HHLA1: variants seen among roughly 807,000 people sequenced by gnomAD.
HHLA1 encodes the protein HERV-H LTR-associating protein 1.
Under a neutral mutation model 69.9 loss-of-function variants are expected in HHLA1, and 72 were observed. The observed-to-expected ratio is 1.03, with a 90% CI of 0.85 to 1.25. The LOEUF (loss-of-function observed/expected upper bound fraction) is 1.25, where lower values mean the gene tolerates loss of function less well. Among genes scored for constraint, HHLA1 ranks in the 50% most tolerant of loss-of-function variants. The pLI is 0.00. For synonymous variants in HHLA1, 252 were observed against 233.2 expected (o/e 1.08, Z -0.73); for missense variants, 685 against 642.2 (o/e 1.07, Z -0.72).
At chr8:132,070,888 C>A (rs1328069020) in intron 15 of HHLA1, among the ~76,000 whole-genome samples, 1 of 151,930 alleles carries the variant, frequency 6.6e-6, no homozygotes, top group Non-Finnish European at 1.5e-5. Flanking sequence ...CAACTCATTA[C>A]AACTCAACTC....
Position 132,092,479 on chromosome 8 carries a change from G to A in HHLA1, c.449-2880C>T, listed in dbSNP as rs577518403. Among the ~76,000 whole-genome samples, 78 of 152,268 alleles carry A rather than the reference G, an allele frequency of 5.1e-4. No individual in the cohort carries two copies. In the Middle Eastern group the frequency reaches 0.014, roughly 27 times the overall value. ...GTGGTGGGAGGTGATTGGATCATGG[G>A]GGCAGACTTCTCATGAATGGGTTAG... On this transcript the variant is annotated intron_variant, in intron 7 of 16. Transcript: ENST00000414222.
Position 132,071,320 on chromosome 8 carries a change from A to C in HHLA1, c.1469+20T>G, listed in dbSNP as rs1563740357. ...AGCTATAAATATTCCATGTGAAAAG[A>C]AGCCACTGGGCCAAGTTACCTCATG... On this transcript the variant is annotated intron_variant, in intron 15 of 16. Transcript: ENST00000414222. 2 of 1,543,914 alleles carry C rather than the reference A, an allele frequency of 1.3e-6. No individual in the cohort carries two copies. Among genetic ancestry groups the C allele is most frequent in the Non-Finnish European group, 1.7e-6 (2 of 1,143,594 alleles).
At chr8:132,084,039 AT>A (rs1823814458) in intron 10 of HHLA1, among the ~76,000 whole-genome samples, 1 of 145,244 alleles carries the variant, frequency 6.9e-6, no homozygotes, top group South Asian at 2.2e-4. Flanking sequence ...ACTGGGCTGG[AT>A]TTTTATATTT....
intron 3 of HHLA1, chr8:132,101,307 C>A (rs141875215): frequency 1.5e-5 from 23 of 1,547,946 alleles, no homozygotes; most frequent in Non-Finnish European, 1.7e-5. Flanking sequence ...AAAATAGTAA[C>A]CTGAAAGTAC....
At position 132,079,828 on chromosome 8, in the gene HHLA1, GTC is replaced by G. The variant is rs1823710916; in HGVS notation, c.813_814del (p.Glu271AspfsTer18). The stretch of plus-strand genomic sequence containing the variant: ...CTCCTCTGTTTCTGAAGGAGCAGCT[GTC>G]TCTGTCCAGGGAGAGGATCTCAGAG... On this transcript the variant is annotated frameshift_variant, in exon 11 of 17. Coordinates refer to ENST00000414222, the MANE Select transcript of HHLA1 (RefSeq NM_001145095.3). LOFTEE classifies it high-confidence loss of function. The G allele has an allele frequency of 6.4e-7, 1 of 1,551,810 alleles. No homozygotes were observed. Among genetic ancestry groups the G allele is most frequent in the African/African-American group, 1.4e-5 (1 of 73,170 alleles).
intron 15 of HHLA1, among the ~76,000 whole-genome samples, chr8:132,068,228 C>A (rs1823472296): frequency 6.6e-6 from 1 of 152,180 alleles, no homozygotes; most frequent in African/African-American, 2.4e-5. Context: ...ACATGACCCA[C>A]ACCTTCATGA....
intron 15 of HHLA1, among the ~76,000 whole-genome samples, chr8:132,070,895 A>G (rs924900696): frequency 1.3e-5 from 2 of 151,928 alleles, no homozygotes; most frequent in Admixed American, 1.3e-4. Flanking sequence ...TTACAACTCA[A>G]CTCAACTCAT....
At chr8:132,100,391 CCA>C (rs1824093272) in intron 3 of HHLA1, among the ~76,000 whole-genome samples, 3 of 151,988 alleles carry the variant, frequency 2.0e-5, no homozygotes, top group Admixed American at 6.6e-5. Flanking sequence ...CTAATTTACC[CCA>C]CTCTTTAACC....
intron 15 of HHLA1, among the ~76,000 whole-genome samples, chr8:132,069,229 C>T (rs1035043137): frequency 1.4e-4 from 21 of 152,284 alleles, no homozygotes; most frequent in African/African-American, 5.1e-4. Context: ...TGGAAAACTC[C>T]TATTCCTCCA....
In HHLA1 at chr8:132,071,323, C is replaced by A; in HGVS notation, c.1469+17G>T. On this transcript the variant is annotated intron_variant, in intron 15 of 16. Coordinates refer to ENST00000414222, the MANE Select transcript of HHLA1 (RefSeq NM_001145095.3). ...TATAAATATTCCATGTGAAAAGAAG[C>A]CACTGGGCCAAGTTACCTCATGTCC... The A allele has an allele frequency of 1.3e-6, 2 of 1,545,222 alleles. No homozygotes were observed. Among genetic ancestry groups the A allele is most frequent in the African/African-American group, 1.4e-5 (1 of 72,822 alleles).
intron 3 of HHLA1, among the ~76,000 whole-genome samples, chr8:132,102,559 C>A (rs368054110): frequency 6.6e-6 from 1 of 152,232 alleles, no homozygotes; most frequent in African/African-American, 2.4e-5. Context: ...CCGTGTGGCA[C>A]TTTACCTGCG....
chr8:132,079,620 G>C, intron 11 of HHLA1, 98 bp downstream of exon 11: 1 of 1,297,908 alleles, frequency 7.7e-7, no homozygotes, highest in Non-Finnish European at 1.0e-6. Flanking sequence ...AGTTGGTGGA[G>C]AAGGGATTAA....
At chr8:132,083,755 C>A (rs1178442133) in intron 10 of HHLA1, among the ~76,000 whole-genome samples, 3 of 152,122 alleles carry the variant, frequency 2.0e-5, no homozygotes, top group African/African-American at 4.8e-5. Context: ...GCGGTTCGGG[C>A]GTTTGGAAGT....
At chr8:132,078,615 A>G (rs1480050143) in intron 11 of HHLA1, among the ~76,000 whole-genome samples, 2 of 152,016 alleles carry the variant, frequency 1.3e-5, no homozygotes, top group African/African-American at 4.8e-5. Flanking sequence ...TGTCTCCTCT[A>G]TGCCGGGGTA....
chr8:132,105,900 C>T (rs1217613446), intron 1 of HHLA1, among the ~76,000 whole-genome samples: 1 of 152,208 alleles, frequency 6.6e-6, no homozygotes, highest in Non-Finnish European at 1.5e-5. Context: ...TGTGTGTTCA[C>T]AGTCTCTTTC....
intron 11 of HHLA1, among the ~76,000 whole-genome samples, 177 bp downstream of exon 11, chr8:132,079,541 T>C (rs773489921): frequency 2.0e-5 from 3 of 152,228 alleles, no homozygotes; most frequent in Non-Finnish European, 4.4e-5. Context: ...TTTCTGCCTT[T>C]GTTTGATCTT....
intron 14 of HHLA1, among the ~76,000 whole-genome samples, chr8:132,075,543 G>A (rs1430203207): frequency 6.6e-5 from 10 of 152,224 alleles, no homozygotes; most frequent in Admixed American, 5.9e-4. Context: ...GTGCAGGGAT[G>A]GAAAGGGTAG....
At chr8:132,106,698 A>C (rs1448426404) in intron 1 of HHLA1, among the ~76,000 whole-genome samples, 1 of 152,206 alleles carries the variant, frequency 6.6e-6, no homozygotes, top group African/African-American at 2.4e-5. Context: ...GCTGTTTAGT[A>C]ACTTAGAAGA....
At chr8:132,104,645 GA>G (rs1824173801) in intron 2 of HHLA1, among the ~76,000 whole-genome samples, 1 of 152,162 alleles carries the variant, frequency 6.6e-6, no homozygotes, top group Non-Finnish European at 1.5e-5. Flanking sequence ...TTACTTTAAA[GA>G]ATGGAAAGAA....
Sources: gnomAD v4.1 joint callset for allele counts (sites outside exome capture counted in the v4.1 genomes callset) on GRCh38, gnomAD v4.1.1 for gene constraint, MANE v1.5 for transcripts, NCBI Gene and HGNC (gene_info 2026-07-23, HGNC 2026-07-21) for gene names.